PCDHGA11: variants seen among roughly 807,000 people sequenced by gnomAD.
The protein encoded by PCDHGA11 is protocadherin gamma subfamily A, 11.
In PCDHGA11, 39 loss-of-function variants were observed where a neutral mutation model predicts 60.4. The ratio of observed to expected loss-of-function variants is 0.65; its 90% CI spans 0.50 to 0.84. PCDHGA11 has a LOEUF of 0.84. Among genes scored for constraint, PCDHGA11 ranks in the 40% least tolerant of loss-of-function variants. The pLI is 0.00. For missense variants in PCDHGA11, 1,165 were observed against 1,197.7 expected, an observed-to-expected ratio of 0.97 and a Z score of 0.40; for synonymous variants, 533 against 510.3, an observed-to-expected ratio of 1.04 and a Z score of -0.60.
intron 1 of PCDHGA11, among the ~76,000 whole-genome samples, chr5:141,458,988 C>G (rs996478276): frequency 6.6e-6 from 1 of 152,208 alleles, no homozygotes; most frequent in African/African-American, 2.4e-5. Flanking sequence ...CTGCCTCACC[C>G]TCCCAAAGTG....
At chr5:141,458,438 C>T (rs2098945825) in intron 1 of PCDHGA11, among the ~76,000 whole-genome samples, 1 of 152,024 alleles carries the variant, frequency 6.6e-6, no homozygotes, top group Non-Finnish European at 1.5e-5. Flanking sequence ...GAGGAGGTCC[C>T]CCACATTAAC....
At chr5:141,502,231 G>A (rs2099813372) in intron 2 of PCDHGA11, among the ~76,000 whole-genome samples, 1 of 152,172 alleles carries the variant, frequency 6.6e-6, no homozygotes, top group Non-Finnish European at 1.5e-5. Context: ...TGTTCTGTGT[G>A]TTCTTTTATC....
chr5:141,475,098 C>G (rs1252108172), intron 1 of PCDHGA11, among the ~76,000 whole-genome samples: 1 of 152,108 alleles, frequency 6.6e-6, no homozygotes, highest in East Asian at 1.9e-4. Flanking sequence ...TTATAAAGAT[C>G]CTAGGTGGTA....
intron 1 of PCDHGA11, among the ~76,000 whole-genome samples, chr5:141,469,311 T>C (rs970450899): frequency 3.3e-5 from 5 of 152,040 alleles, no homozygotes; most frequent in Admixed American, 3.3e-4. Context: ...GCACGATGGC[T>C]CACGCCTGTA....
chr5:141,450,937 A>G (rs1011608521), intron 1 of PCDHGA11, among the ~76,000 whole-genome samples: 1 of 148,134 alleles, frequency 6.8e-6, no homozygotes, highest in African/African-American at 2.5e-5. Flanking sequence ...CAATTCTCCT[A>G]CCTCAGCCTC....
At position 141,421,894 on chromosome 5, in the gene PCDHGA11, C is replaced by A; in HGVS notation, c.667C>A (p.Arg223=). 3 of 1,613,704 alleles carry A rather than the reference C, an allele frequency of 1.9e-6. No individual in the cohort carries two copies. The highest frequency in any genetic ancestry group is 2.5e-6 in the Non-Finnish European group (3 of 1,179,894). ...LTALDGGDPI[R]KGAVPIRVVV... ...AGCTTTAGATGGAGGCGATCCCATC[C>A]GAAAGGGCGCAGTTCCCATTCGTGT... The change falls in exon 1 of 4, where the codon CGA becomes AGA. Residue 223 remains arginine, a synonymous_variant. Coordinates refer to ENST00000398587, the MANE Select transcript of PCDHGA11 (RefSeq NM_018914.3).
rs909444391 is a variant in PCDHGA11 at position 141,450,834 on chromosome 5, T to A, written c.2433+27174T>A. On this transcript the variant is annotated intron_variant, in intron 1 of 3. Transcript: ENST00000398587. ...TATTTAATATTATTATTATTATTTT[T>A]TTTTTTTTGAGATGGGGTCTTGCTC... is the stretch of plus-strand genomic sequence containing the variant. 1.2e-3 allele frequency among the ~76,000 whole-genome samples: 172 copies of A among 148,764 alleles called. 3 individuals are homozygous for A. The highest frequency in any genetic ancestry group is 4.1e-3 in the African/African-American group (166 of 40,236).
chr5:141,449,943 C>G (rs1561937416), intron 1 of PCDHGA11, among the ~76,000 whole-genome samples: 1 of 151,186 alleles, frequency 6.6e-6, no homozygotes, highest in African/African-American at 2.4e-5. Flanking sequence ...GTATATTTTA[C>G]TATACCTCAT....
intron 1 of PCDHGA11, among the ~76,000 whole-genome samples, chr5:141,460,508 G>C (rs1390313220): frequency 6.6e-6 from 1 of 152,040 alleles, no homozygotes; most frequent in East Asian, 1.9e-4. Context: ...TGCTGAGAAG[G>C]CTATCTTTTC....
At position 141,432,299 on chromosome 5, in the gene PCDHGA11, C is replaced by G; in HGVS notation, c.2433+8639C>G. ...GTCCATCAACTCCGACACTGGGGTA[C>G]TGTATGCGCTGAGCTCCTTCGACTA... is the stretch of plus-strand genomic sequence containing the variant. On this transcript the variant is annotated intron_variant, in intron 1 of 3. Transcript: ENST00000398587. This position sits in a 1 kb window ranked among gnomAD's most constrained non-coding sequence, Gnocchi z 6.0. The G allele has an allele frequency of 2.5e-6, 4 of 1,614,278 alleles. No homozygotes were observed. The highest frequency in any genetic ancestry group is 3.4e-6 in the Non-Finnish European group (4 of 1,180,056).
At chr5:141,457,791 A>G (rs554446263) in intron 1 of PCDHGA11, among the ~76,000 whole-genome samples, 1 of 152,318 alleles carries the variant, frequency 6.6e-6, no homozygotes, top group South Asian at 2.1e-4. Flanking sequence ...GAGTTGGGTT[A>G]TCCTCTCCTC....
intron 1 of PCDHGA11, among the ~76,000 whole-genome samples, chr5:141,425,386 G>C (rs2096871887): frequency 6.6e-6 from 1 of 152,224 alleles, no homozygotes; most frequent in South Asian, 2.1e-4. Context: ...TTCGGAGGTA[G>C]TGATAAAGTT....
In PCDHGA11 at chr5:141,512,874, C is replaced by G. The variant is rs2099884476; in HGVS notation, c.*1701C>G. The G allele has an allele frequency of 6.6e-6, 1 of 152,246 alleles. No homozygotes were observed. Among genetic ancestry groups the G allele is most frequent in the Non-Finnish European group, 1.5e-5 (1 of 68,062 alleles). 9.4% of individuals were successfully genotyped at this position (152,246 alleles called of 1,614,324 possible). ...CTTCTCTTCGCATAGTCACGTAGCT[C>G]CCACCCCACCCTCTTCCTGTGTCTC... On this transcript the variant is annotated 3_prime_UTR_variant, in exon 4 of 4. Transcript: ENST00000398587.
intron 1 of PCDHGA11, chr5:141,427,054 C>T (rs1235803553): frequency 4.4e-6 from 2 of 457,580 alleles, no homozygotes; most frequent in Admixed American, 4.7e-5. Context: ...CCCCCAGGCA[C>T]CTCTGTACTA....
intron 1 of PCDHGA11, among the ~76,000 whole-genome samples, chr5:141,447,724 A>T (rs2098549653): frequency 6.6e-6 from 1 of 152,126 alleles, no homozygotes. Flanking sequence ...ATTTTCCAAA[A>T]CTCATTGAAC....
chr5:141,434,964 T>C (rs2154556462), intron 1 of PCDHGA11, among the ~76,000 whole-genome samples: 1 of 152,004 alleles, frequency 6.6e-6, no homozygotes, highest in East Asian at 1.9e-4. Context: ...ATTTATAAAA[T>C]TACTTTGTTA....
intron 1 of PCDHGA11, chr5:141,428,413 C>A: frequency 2.2e-6 from 1 of 461,904 alleles, no homozygotes; most frequent in Non-Finnish European, 4.0e-6. Context: ...TTGCTTTCAC[C>A]CTGGTCTCTG....
intron 1 of PCDHGA11, 129 bp from the exon 2 acceptor site, chr5:141,494,678 G>T: frequency 1.3e-6 from 2 of 1,554,384 alleles, no homozygotes; most frequent in East Asian, 4.7e-5. Flanking sequence ...GTCCACCCCT[G>T]CCCCCTCTTA....
At chr5:141,457,953 C>G (rs12188170) in intron 1 of PCDHGA11, among the ~76,000 whole-genome samples, 6,291 of 152,286 alleles carry the variant, frequency 0.041, 196 homozygotes, top group Admixed American at 0.075. Context: ...GCATGTCAAG[C>G]TTGATTCCTT....
Sources: allele counts gnomAD v4.1 joint callset (sites outside exome capture counted in the v4.1 genomes callset), GRCh38; gene constraint gnomAD v4.1.1; non-coding constraint Gnocchi (gnomAD v3.1); transcripts MANE v1.5; gene names NCBI Gene and HGNC (gene_info 2026-07-23, HGNC 2026-07-21).